The following MCU variants were observed in gnomAD, a reference collection of about 807,000 sequenced individuals.
MCU encodes the protein calcium uniporter protein, mitochondrial.
A neutral mutation model predicts 45.2 loss-of-function variants in MCU; 12 were observed. The ratio of observed to expected loss-of-function variants is 0.27; its 90% CI spans 0.17 to 0.43. The LOEUF is 0.43. MCU is among the 20% of genes least tolerant of loss of function. The pLI, the probability that MCU is intolerant of heterozygous loss-of-function variation, is 1.00. For synonymous variants in MCU, 160 were observed against 165.1 expected (o/e 0.97, Z 0.24); for missense variants, 324 against 436.7 (o/e 0.74, Z 2.30).
At chr10:72,805,221 T>TTTC (rs1844428665) in intron 1 of MCU, among the ~76,000 whole-genome samples, 2 of 144,640 alleles carry the variant, frequency 1.4e-5, no homozygotes, top group African/African-American at 5.3e-5. Context: ...TTTCCTTTCC[T>TTTC]TTCCTTTTTC....
At chr10:72,863,196 A>G (rs1180442996) in intron 4 of MCU, among the ~76,000 whole-genome samples, 2 of 152,128 alleles carry the variant, frequency 1.3e-5, no homozygotes, top group Non-Finnish European at 2.9e-5. Flanking sequence ...TGACTCTTCC[A>G]ATAAGCCTTT....
At chr10:72,870,404 G>A (rs1845523640) in intron 5 of MCU, among the ~76,000 whole-genome samples, 1 of 151,902 alleles carries the variant, frequency 6.6e-6, no homozygotes, top group Non-Finnish European at 1.5e-5. Flanking sequence ...TCAGCCTCCC[G>A]AGTGGCTGGG....
chr10:72,810,619 C>T (rs1352662150), intron 1 of MCU, among the ~76,000 whole-genome samples: 1 of 150,148 alleles, frequency 6.7e-6, no homozygotes, highest in Non-Finnish European at 1.5e-5. Context: ...AGGCGCCTGC[C>T]ACCACGCCCA....
At chr10:72,810,838 G>A (rs1347503502) in intron 1 of MCU, among the ~76,000 whole-genome samples, 1 of 152,074 alleles carries the variant, frequency 6.6e-6, no homozygotes, top group Non-Finnish European at 1.5e-5. Flanking sequence ...CCCACAGCAG[G>A]AGTTGATGAA....
At chr10:72,712,908 G>C (rs973998042) in intron 1 of MCU, among the ~76,000 whole-genome samples, 2 of 152,158 alleles carry the variant, frequency 1.3e-5, no homozygotes, top group African/African-American at 4.8e-5. Context: ...CCCTCCAAAT[G>C]ATTTGCTGTA....
At chr10:72,701,383 T>C (rs1429458735) in intron 1 of MCU, among the ~76,000 whole-genome samples, 1 of 152,214 alleles carries the variant, frequency 6.6e-6, no homozygotes, top group African/African-American at 2.4e-5. Flanking sequence ...GATTTAAGCC[T>C]GAGTCTGGCT....
chr10:72,875,036 A>G (rs1845597916), intron 6 of MCU, among the ~76,000 whole-genome samples: 2 of 152,104 alleles, frequency 1.3e-5, no homozygotes, highest in Non-Finnish European at 2.9e-5. Flanking sequence ...TCTCAACCCT[A>G]TAAGTATTAA....
In MCU at chr10:72,795,781, C is replaced by T. The variant is rs968458839; in HGVS notation, c.151-38578C>T. On this transcript the variant is annotated intron_variant, in intron 1 of 7. Transcript: ENST00000373053. ...TTGGGAGGCTGAGGCAGGTGGATCA[C>T]GAGTTCAAGAGTTCAAGACCAGCCT... 3.9e-5 allele frequency among the ~76,000 whole-genome samples: 6 copies of T among 152,192 alleles called. No homozygotes were observed. The East Asian group carries it at 7.7e-4, about 20-fold the overall frequency.
chr10:72,825,752 A>G (rs983046646), intron 1 of MCU, among the ~76,000 whole-genome samples: 1 of 152,186 alleles, frequency 6.6e-6, no homozygotes, highest in African/African-American at 2.4e-5. Context: ...TCTCTAAACT[A>G]CTTTGTAGTG....
At chr10:72,792,783 G>A (rs975215524) in intron 1 of MCU, among the ~76,000 whole-genome samples, 5 of 144,470 alleles carry the variant, frequency 3.5e-5, no homozygotes, top group South Asian at 2.2e-4. Context: ...AGGAGTTTGC[G>A]TCATAGATTG....
chr10:72,832,934 ATGTGTG>A (rs6143982), intron 1 of MCU, among the ~76,000 whole-genome samples: 1 of 143,760 alleles, frequency 7.0e-6, no homozygotes, highest in Non-Finnish European at 1.5e-5. Flanking sequence ...ACCAATAGCT[ATGTGTG>A]TGTGTGTGTG....
At chr10:72,779,984 G>A (rs1312865089) in intron 1 of MCU, among the ~76,000 whole-genome samples, 1 of 152,118 alleles carries the variant, frequency 6.6e-6, no homozygotes, top group African/African-American at 2.4e-5. Flanking sequence ...ATGTACATAT[G>A]TTCATAGCAG....
At chr10:72,723,739 A>G (rs1036673819) in intron 1 of MCU, among the ~76,000 whole-genome samples, 3 of 152,210 alleles carry the variant, frequency 2.0e-5, no homozygotes, top group African/African-American at 7.2e-5. Flanking sequence ...CGTGCTTTTC[A>G]AAATATATAT....
intron 1 of MCU, among the ~76,000 whole-genome samples, chr10:72,711,667 G>A (rs1842895919): frequency 6.6e-6 from 1 of 150,920 alleles, no homozygotes. Flanking sequence ...CTATAATTGG[G>A]CCATTGCACT....
chr10:72,704,474 G>A (rs1842794396), intron 1 of MCU, among the ~76,000 whole-genome samples: 1 of 151,736 alleles, frequency 6.6e-6, no homozygotes, highest in African/African-American at 2.4e-5. Context: ...AAACTGTACT[G>A]ACCTGCTAAA....
intron 1 of MCU, among the ~76,000 whole-genome samples, chr10:72,758,092 A>T (rs950935652): frequency 1.3e-5 from 2 of 152,338 alleles, no homozygotes; most frequent in Non-Finnish European, 2.9e-5. Context: ...CTCTGGTGCC[A>T]TATCTGAGTT....
At chr10:72,815,688 C>T (rs921559438) in intron 1 of MCU, among the ~76,000 whole-genome samples, 1 of 152,138 alleles carries the variant, frequency 6.6e-6, no homozygotes, top group Non-Finnish European at 1.5e-5. Context: ...GAAAGCTCAA[C>T]AAATCTAATA....
rs76931045 is a variant in MCU at position 72,712,857 on chromosome 10, A to G, written c.150+20556A>G. 7.6e-3 allele frequency among the ~76,000 whole-genome samples: 1,162 copies of G among 152,294 alleles called. 17 individuals are homozygous for G. The highest frequency in any genetic ancestry group is 0.026 in the African/African-American group (1,097 of 41,558). On this transcript the variant is annotated intron_variant, in intron 1 of 7. Transcript: ENST00000373053. The stretch of plus-strand genomic sequence containing the variant: ...CAACACTCTTGATAATGGTTTGAAC[A>G]TTTTTGCAGAGTACACAGGGCAGAG...
chr10:72,771,678 A>T (rs887344593), intron 1 of MCU, among the ~76,000 whole-genome samples: 3 of 152,226 alleles, frequency 2.0e-5, no homozygotes, highest in Middle Eastern at 3.4e-3. Context: ...TTTCACTTTA[A>T]GTTCTGGGAT....
Sources: gnomAD v4.1 joint callset for allele counts (sites outside exome capture counted in the v4.1 genomes callset) on GRCh38, gnomAD v4.1.1 for gene constraint, MANE v1.5 for transcripts, NCBI Gene and HGNC (gene_info 2026-07-23, HGNC 2026-07-21) for gene names.